The following LRCH1 variants were observed in gnomAD, a reference collection of about 807,000 sequenced individuals.
LRCH1 encodes the protein leucine-rich repeat and calponin homology domain-containing protein 1.
In LRCH1, 23 loss-of-function variants were observed where a neutral mutation model predicts 94.9. That is an observed-to-expected ratio of 0.24 (90% confidence interval 0.17 to 0.34). LRCH1 has a LOEUF of 0.34. LRCH1 is among the 10% of genes least tolerant of loss of function. The probability of loss-of-function intolerance (pLI) is 1.00; values close to 1 mark genes in which losing one functional copy is unlikely to be tolerated. For missense variants in LRCH1, 790 were observed against 945.9 expected (o/e 0.84, Z 2.16); for synonymous variants, 364 against 354.9 (o/e 1.03, Z -0.29).
At chr13:46,732,260 T>C (rs1329962394) in intron 18 of LRCH1, among the ~76,000 whole-genome samples, 1 of 152,238 alleles carries the variant, frequency 6.6e-6, no homozygotes, top group Non-Finnish European at 1.5e-5. Flanking sequence ...AAAATCACTA[T>C]CATTGTCAGT....
chr13:46,741,837 C>G lies in LRCH1; in HGVS notation c.2281C>G (p.Leu761Val), dbSNP rs1873677037. ...CTATATCACTTACCACTGGAATGCT[C>G]TGTCCGCATAATGTCTGCACGTGCA... is the stretch of plus-strand genomic sequence containing the variant. ...LVYITYHWNA[L>V]SA Residue 761 changes from leucine to valine, a missense_variant, in exon 20 of 20, where the codon CTG becomes GTG. Leu to Val is a conservative substitution (Grantham distance 32, BLOSUM62 1). This residue lies in a region of LRCH1 where 460 missense variants were observed against 508.9 expected (regional missense o/e 0.90). Coordinates refer to ENST00000389797, the MANE Select transcript of LRCH1 (RefSeq NM_001164211.2). 6.2e-7 allele frequency: 1 copy of G among 1,614,082 alleles called. No individual in the cohort carries two copies.
At chr13:46,569,455 A>G (rs1172871380) in intron 1 of LRCH1, among the ~76,000 whole-genome samples, 2 of 152,172 alleles carry the variant, frequency 1.3e-5, no homozygotes, top group Non-Finnish European at 2.9e-5. Context: ...GTACATTGTT[A>G]ATGTAGAGAA....
chr13:46,736,766 C>A (rs1030864508), intron 19 of LRCH1, among the ~76,000 whole-genome samples: 38 of 152,174 alleles, frequency 2.5e-4, no homozygotes, highest in African/African-American at 8.7e-4. Context: ...CACACACACA[C>A]AAGCCACAGA....
intron 19 of LRCH1, among the ~76,000 whole-genome samples, chr13:46,741,157 C>T (rs1438799228): frequency 6.6e-6 from 1 of 152,144 alleles, no homozygotes; most frequent in African/African-American, 2.4e-5. Context: ...TGTGTGTTAA[C>T]TTTCAGAGAG....
intron 11 of LRCH1, among the ~76,000 whole-genome samples, chr13:46,702,921 T>A (rs1871554591): frequency 6.6e-6 from 1 of 152,244 alleles, no homozygotes; most frequent in Admixed American, 6.5e-5. Flanking sequence ...TGTAGAATGA[T>A]GCAGGCGATG....
rs79455273 is a variant in LRCH1, at chr13:46,723,437, A to G, written c.1869+107A>G. The G allele has an allele frequency of 3.5e-4, 287 of 827,420 alleles. 3 individuals carry two copies. The African/African-American group carries it at 4.1e-3, about 12-fold the overall frequency. 51.3% of individuals were successfully genotyped at this position (827,420 alleles called of 1,614,324 possible). A position where few individuals can be genotyped will look rare whatever the true frequency, so the allele number is the denominator to read the frequency against. On this transcript the variant is annotated intron_variant, in intron 17 of 19. Transcript: ENST00000389797. The stretch of plus-strand genomic sequence containing the variant: ...AGCAGTCCTAATTTCAAATCTAGCC[A>G]GGTCACTTAGTGACTGCTGGATGTT...
At chr13:46,715,154 G>A (rs960312756) in intron 15 of LRCH1, among the ~76,000 whole-genome samples, 10 of 152,112 alleles carry the variant, frequency 6.6e-5, no homozygotes, top group Non-Finnish European at 1.3e-4. Context: ...TTTTTTGTGT[G>A]TGAATCATAT....
intron 1 of LRCH1, among the ~76,000 whole-genome samples, chr13:46,619,844 C>T (rs2050860838): frequency 6.6e-6 from 1 of 152,160 alleles, no homozygotes; most frequent in Non-Finnish European, 1.5e-5. Context: ...TACGTTGAAG[C>T]ATTTCCTCAA....
At chr13:46,688,403 GCTTTAT>G (rs1346934239) in intron 6 of LRCH1, among the ~76,000 whole-genome samples, 1 of 152,078 alleles carries the variant, frequency 6.6e-6, no homozygotes, top group Non-Finnish European at 1.5e-5. Flanking sequence ...AAAAATGAAG[GCTTTAT>G]TTTTGGTCTT....
chr13:46,634,143 G>A (rs1218859954), intron 1 of LRCH1, among the ~76,000 whole-genome samples: 1 of 152,166 alleles, frequency 6.6e-6, no homozygotes. Flanking sequence ...CTCCCAAAGT[G>A]CTGGGATTAC....
intron 3 of LRCH1, among the ~76,000 whole-genome samples, chr13:46,670,922 C>T (rs1009022175): frequency 2.6e-5 from 4 of 152,172 alleles, no homozygotes; most frequent in African/African-American, 9.7e-5. Flanking sequence ...GCCGTTTAAT[C>T]CTGCTGAAGT....
chr13:46,687,402 C>T (rs1268139040), intron 5 of LRCH1, among the ~76,000 whole-genome samples: 2 of 152,142 alleles, frequency 1.3e-5, no homozygotes, highest in South Asian at 2.1e-4. Context: ...AGATGCTTAA[C>T]CATGTAAATA....
In LRCH1 at chr13:46,715,613, A is replaced by G. The variant is rs1872280996; in HGVS notation, c.1708A>G (p.Thr570Ala). The change falls in exon 16 of 20, where the codon ACA becomes GCA. Residue 570 changes from threonine to alanine, a missense_variant. Thr to Ala is a moderately conservative substitution (Grantham distance 58). Around this residue, in one of 3 missense-constraint regions of LRCH1, gnomAD observed 460 missense variants for 508.9 expected, o/e 0.90. Coordinates refer to ENST00000389797, the MANE Select transcript of LRCH1 (RefSeq NM_001164211.2). Reference protein sequence around the residue: ...ISFNTLTQAQTWDSSSYSVPS... With the variant: ...ISFNTLTQAQAWDSSSYSVPS... ...CTTCAACACACTTACACAGGCACAG[A>G]CATGGGACAGCTCTAGCTACAGTGT... is the stretch of plus-strand genomic sequence containing the variant. 1.3e-6 allele frequency: 2 copies of G among 1,537,282 alleles called. No homozygotes were observed. Among genetic ancestry groups the G allele is most frequent in the Non-Finnish European group, 1.7e-6 (2 of 1,146,860 alleles).
At chr13:46,643,432 C>G (rs947519781) in intron 1 of LRCH1, among the ~76,000 whole-genome samples, 1 of 152,174 alleles carries the variant, frequency 6.6e-6, no homozygotes, top group Admixed American at 6.6e-5. Flanking sequence ...CTTCCTTTCT[C>G]TCTTTTTCTC....
chr13:46,691,989 A>G (rs4942571), intron 7 of LRCH1, among the ~76,000 whole-genome samples: 114,847 of 152,082 alleles, frequency 0.76, 43,496 homozygotes, highest in East Asian at 0.92. Context: ...CGCCTGGCTG[A>G]TGCCATGTAC....
Position 46,705,161 on chromosome 13 carries a change from T to A in LRCH1, c.1490+4T>A, listed in dbSNP as rs1352054664. On this transcript the variant is annotated splice_donor_region_variant and intron_variant, in intron 12 of 19. Transcript: ENST00000389797. ...AATTACAAGATTCTGCACTGAAGTA[T>A]GCTTGCCTTTTATAACAAATTATGT... 5 of 1,602,846 alleles carry A rather than the reference T, an allele frequency of 3.1e-6. No homozygotes were observed. Among genetic ancestry groups the A allele is most frequent in the Non-Finnish European group, 4.3e-6 (5 of 1,174,420 alleles).
chr13:46,641,751 C>G (rs191554449), intron 1 of LRCH1, among the ~76,000 whole-genome samples: 1 of 152,186 alleles, frequency 6.6e-6, no homozygotes, highest in Non-Finnish European at 1.5e-5. Flanking sequence ...ACACCACTTT[C>G]CTTTTTCATA....
In LRCH1 at chr13:46,712,513, C is replaced by T; in HGVS notation, c.1582-12C>T. The T allele has an allele frequency of 6.2e-7, 1 of 1,605,748 alleles. No homozygotes were observed. Among genetic ancestry groups the T allele is most frequent in the Non-Finnish European group, 8.5e-7 (1 of 1,173,304 alleles). On this transcript the variant is annotated splice_polypyrimidine_tract_variant and intron_variant, in intron 14 of 19. Coordinates refer to ENST00000389797, the MANE Select transcript of LRCH1 (RefSeq NM_001164211.2). ...ATTTTTTTCCTAATTTCCTTTCCTTCCAACACCACAGATTAGAGAGAACTC... is the reference window on the plus strand; with the variant it reads ...ATTTTTTTCCTAATTTCCTTTCCTTTCAACACCACAGATTAGAGAGAACTC...
Position 46,744,417 on chromosome 13 carries a change from T to C in LRCH1, c.*2569T>C. On this transcript the variant is annotated 3_prime_UTR_variant, in exon 20 of 20. Coordinates refer to ENST00000389797, the MANE Select transcript of LRCH1 (RefSeq NM_001164211.2). ...TCTCCAACTGGTGGCAACTCTCCAC[T>C]CAGTGTCAGGAATTCCAAAATTTGT... 3.0e-6 allele frequency: 3 copies of C among 985,126 alleles called. No homozygotes were observed. The highest frequency in any genetic ancestry group is 1.0e-3 in the Middle Eastern group (2 of 1,914). The allele number at this position is 985,126 out of a possible 1,614,324, so 61.0% of individuals were successfully genotyped here.
Sources: allele counts gnomAD v4.1 joint callset (sites outside exome capture counted in the v4.1 genomes callset), GRCh38; gene constraint gnomAD v4.1.1; regional missense constraint gnomAD v4.1.1; transcripts MANE v1.5; gene names NCBI Gene and HGNC (gene_info 2026-07-23, HGNC 2026-07-21).